Variants in ZNF205 observed in about 807,000 individuals in gnomAD.
ZNF205 encodes zinc finger protein 205.
Under a neutral mutation model 53.6 loss-of-function variants are expected in ZNF205, and 32 were observed. The observed-to-expected ratio is 0.60, with a 90% CI of 0.45 to 0.80. The LOEUF (loss-of-function observed/expected upper bound fraction) is 0.80, where lower values mean the gene tolerates loss of function less well. Ranked by LOEUF, ZNF205 falls within the 30% of genes least tolerant of loss-of-function variation. The pLI is 0.00. For synonymous variants in ZNF205, 382 were observed against 334.3 expected (o/e 1.14, Z -1.56); for missense variants, 836 against 782.4 (o/e 1.07, Z -0.82).
chr16:3,115,296 C>T (rs1370764079), intron 2 of ZNF205, 59 bp from the exon 3 acceptor site: 1 of 1,365,990 alleles, frequency 7.3e-7, no homozygotes, highest in Non-Finnish European at 9.6e-7. Context: ...AGCGCACTGC[C>T]ATGTGGCCCT....
In ZNF205 at chr16:3,119,896, C is replaced by T. The variant is rs1040798213; in HGVS notation, c.1236C>T (p.Gly412=). ...TRRSDLVTHQ[G]THTGAKPHKC... ...GCTCGGACTTGGTCACCCACCAGGG[C>T]ACCCACACGGGCGCCAAGCCGCACA... Residue 412 remains glycine, a synonymous_variant, in exon 7 of 7, where the codon GGC becomes GGT. Coordinates refer to ENST00000219091, the MANE Select transcript of ZNF205 (RefSeq NM_001042428.2). The T allele has an allele frequency of 2.5e-6, 4 of 1,613,602 alleles. No individual in the cohort carries two copies. The South Asian group carries it at 3.3e-5, about 13-fold the overall frequency.
chr16:3,115,866 G>A lies in ZNF205; in HGVS notation c.309G>A (p.Glu103=), dbSNP rs146322683. 20 of 1,613,940 alleles carry A rather than the reference G, an allele frequency of 1.2e-5. No individual in the cohort carries two copies. In the African/African-American group the frequency reaches 2.4e-4, roughly 19 times the overall value. Residue 103 remains glutamate, a synonymous_variant, in exon 4 of 7, where the codon GAG becomes GAA. Transcript: ENST00000219091. ...PSPRIPVLSR[E]GRTRDRQMAA... is the part of the protein sequence containing the mutation. ...CCCGGATCCCCGTGCTTTCCCGAGA[G>A]GGGAGGACCAGAGACCGGCAGATGG...
chr16:3,116,588 A>C, intron 5 of ZNF205, 41 bp downstream of exon 5: 1 of 1,598,062 alleles, frequency 6.3e-7, no homozygotes, highest in Non-Finnish European at 8.5e-7. Flanking sequence ...TGTTAGGGAG[A>C]GGTCCTGCTC....
intron 4 of ZNF205, 99 bp from the exon 5 acceptor site, chr16:3,116,328 G>A: frequency 1.3e-6 from 2 of 1,548,148 alleles, no homozygotes. Context: ...CGACACAGTG[G>A]GTTGGGAGTC....
rs61735886 is a variant in ZNF205 at position 3,120,144 on chromosome 16, A to T, written c.1484A>T (p.Gln495Leu). 2.1e-3 allele frequency: 3,447 copies of T among 1,613,228 alleles called. 2 individuals are homozygous for T. Among genetic ancestry groups the T allele is most frequent in the Admixed American group, 2.9e-3 (174 of 59,994 alleles). The change falls in exon 7 of 7, where the codon CAG becomes CTG. Residue 495 changes from glutamine (Q) to leucine (L), a missense_variant. By Grantham distance (113) the Gln-to-Leu change is moderately radical. Transcript: ENST00000219091. ...CACAGCTCGCACCTCACCGCGCACC[A>T]GCGCACCCACCGTGGCGTGCGGCCC... is the stretch of plus-strand genomic sequence containing the variant. ...FSHSSHLTAH[Q>L]RTHRGVRPYA...
At position 3,119,724 on chromosome 16, in the gene ZNF205, A is replaced by G. The variant is rs749200315; in HGVS notation, c.1064A>G (p.Gln355Arg). 6.2e-7 allele frequency: 1 copy of G among 1,613,606 alleles called. No homozygotes were observed. The highest frequency in any genetic ancestry group is 1.1e-5 in the South Asian group (1 of 91,082). Residue 355 changes from glutamine to arginine, a missense_variant, in exon 7 of 7, where the codon CAG (glutamine) becomes CGG (arginine). Coordinates refer to ENST00000219091, the MANE Select transcript of ZNF205 (RefSeq NM_001042428.2). ...FGRSSHLIQH[Q>R]IIHTGEKPYT... ...CGCAGCTCGCACCTCATCCAGCACC[A>G]GATCATCCACACGGGCGAGAAGCCC... is the stretch of plus-strand genomic sequence containing the variant.
rs1370529451 is a variant in ZNF205 at position 3,120,510 on chromosome 16, G to C, written c.*185G>C. Reference sequence around the variant, plus strand: ...GGCACTCTGCGAATTAAAGGCCTTGGACTTGAAGCGCCCGCCTACACAGCT... The same window carrying C: ...GGCACTCTGCGAATTAAAGGCCTTGCACTTGAAGCGCCCGCCTACACAGCT... On this transcript the variant is annotated 3_prime_UTR_variant, in exon 7 of 7. Transcript: ENST00000219091. 1.4e-6 allele frequency: 1 copy of C among 725,764 alleles called. No homozygotes were observed. Among genetic ancestry groups the C allele is most frequent in the Admixed American group, 3.0e-5 (1 of 32,806 alleles). The allele number at this position is 725,764 out of a possible 1,614,324, so 45.0% of individuals were successfully genotyped here.
rs2151232410 is a variant in ZNF205, at chr16:3,119,619, A to C, written c.959A>C (p.His320Pro). The change falls in exon 7 of 7, where the codon CAC becomes CCC. Residue 320 changes from histidine (H) to proline (P), a missense_variant. His to Pro is a moderately conservative substitution (Grantham distance 77). Transcript: ENST00000219091. Reference sequence around the variant, plus strand: ...CAGTGCGGCAAGGGCTTCAGCTGGCACTCGCACCTGGTGACGCACCGGCGC... The same window carrying C: ...CAGTGCGGCAAGGGCTTCAGCTGGCCCTCGCACCTGGTGACGCACCGGCGC... Reference protein sequence around the residue: ...CEQCGKGFSWHSHLVTHRRTH... With the variant: ...CEQCGKGFSWPSHLVTHRRTH... 1 of 1,611,042 alleles carries C rather than the reference A, an allele frequency of 6.2e-7. No individual in the cohort carries two copies. The highest frequency in any genetic ancestry group is 8.5e-7 in the Non-Finnish European group (1 of 1,179,026).
In ZNF205 at chr16:3,118,635, C is replaced by T. The variant is rs1957375444; in HGVS notation, c.485-270C>T. Among the ~76,000 whole-genome samples the T allele has an allele frequency of 2.0e-5, 3 of 152,246 alleles. No individual in the cohort carries two copies. In the South Asian group the frequency reaches 6.2e-4, roughly 32 times the overall value. On this transcript the variant is annotated intron_variant, in intron 5 of 6. Coordinates refer to ENST00000219091, the MANE Select transcript of ZNF205 (RefSeq NM_001042428.2). ...GTGGGTGTAGGAGCGGGATACCCGT[C>T]CCGTGGGCGTTGATGTAGGGTGTTG...
Position 3,119,341 on chromosome 16 carries a change from A to G in ZNF205, c.681A>G (p.Arg227=). ...NVKPFRTRAG[R]VQWGVPQCAQ... is the part of the protein sequence containing the mutation. Reference sequence around the variant, plus strand: ...AGCCCTTCAGAACCAGGGCAGGGAGAGTCCAGTGGGGCGTCCCGCAGTGCG... The same window carrying G: ...AGCCCTTCAGAACCAGGGCAGGGAGGGTCCAGTGGGGCGTCCCGCAGTGCG... The change falls in exon 7 of 7, where the codon AGA becomes AGG. Residue 227 remains arginine, a synonymous_variant. Transcript: ENST00000219091. 2 of 1,612,768 alleles carry G rather than the reference A, an allele frequency of 1.2e-6. No individual in the cohort carries two copies. The highest frequency in any genetic ancestry group is 1.1e-5 in the South Asian group (1 of 91,054).
In ZNF205 at chr16:3,113,799, C is replaced by T. The variant is rs556356373; in HGVS notation, c.57+312C>T. On this transcript the variant is annotated intron_variant, in intron 2 of 6. Transcript: ENST00000219091. ...ACCTGTTCTCCTTCCCCGTGCTTCT[C>T]CACCTGGAACCACAGCTTCTCATCT... Among the ~76,000 whole-genome samples, 4 of 152,298 alleles carry T rather than the reference C, an allele frequency of 2.6e-5. No homozygotes were observed. In the South Asian group the frequency reaches 8.3e-4, roughly 32 times the overall value.
In ZNF205 at chr16:3,118,974, G is replaced by C. The variant is rs763302642; in HGVS notation, c.554G>C (p.Arg185Pro). 1.9e-6 allele frequency: 3 copies of C among 1,613,546 alleles called. No individual in the cohort carries two copies. The highest frequency in any genetic ancestry group is 1.7e-5 in the Admixed American group (1 of 59,996). ...HGKGEASGSS[R>P]QAGDEKEWRG... The stretch of plus-strand genomic sequence containing the variant: ...AAGGGTGAGGCCTCGGGCTCCAGCC[G>C]GCAGGCAGGAGATGAGAAGGAGTGG... Residue 185 changes from arginine (R) to proline (P), a missense_variant, in exon 6 of 7, where the codon CGG (arginine) becomes CCG (proline). Arg to Pro is a moderately radical substitution (Grantham distance 103). Transcript: ENST00000219091.
At chr16:3,115,964 C>A in intron 4 of ZNF205, 44 bp downstream of exon 4, 1 of 1,574,818 alleles carries the variant, frequency 6.3e-7, no homozygotes, top group Non-Finnish European at 8.7e-7. Context: ...TCAGCCCTTC[C>A]TGCATCTGCT....
At chr16:3,118,807 C>T in intron 5 of ZNF205, 98 bp from the exon 6 acceptor site, 2 of 1,302,756 alleles carry the variant, frequency 1.5e-6, no homozygotes, top group Non-Finnish European at 2.1e-6. Context: ...TTTCCAGAGC[C>T]TCACCCCCTA....
intron 4 of ZNF205, 88 bp downstream of exon 4, chr16:3,116,008 C>T (rs984145563): frequency 5.2e-6 from 7 of 1,358,268 alleles, no homozygotes; most frequent in Non-Finnish European, 7.2e-6. Context: ...CCGCTGGCCC[C>T]ACTTGCAGCC....
Position 3,120,066 on chromosome 16 carries a change from C to T in ZNF205, c.1406C>T (p.Thr469Ile). Residue 469 changes from threonine to isoleucine, a missense_variant, in exon 7 of 7, where the codon ACA becomes ATA. Transcript: ENST00000219091. ...TCCAACCTCATCGCGCACAACCGCACACACACAGGCGAGAAGCCCTACCAC... is the reference window on the plus strand; with the variant it reads ...TCCAACCTCATCGCGCACAACCGCATACACACAGGCGAGAAGCCCTACCAC... The part of the protein sequence containing the change: ...QRSNLIAHNR[T>I]HTGEKPYHCL... The T allele has an allele frequency of 6.2e-7, 1 of 1,612,846 alleles. No homozygotes were observed. Among genetic ancestry groups the T allele is most frequent in the Non-Finnish European group, 8.5e-7 (1 of 1,179,620 alleles).
Position 3,118,849 on chromosome 16 carries a change from C to A in ZNF205, c.485-56C>A. The A allele has an allele frequency of 1.9e-6, 3 of 1,569,180 alleles. No individual in the cohort carries two copies. In the South Asian group the frequency reaches 3.5e-5, roughly 18 times the overall value. On this transcript the variant is annotated intron_variant, in intron 5 of 6. Transcript: ENST00000219091. ...CCCATCAGTTTTGGGGAGATGCTGT[C>A]TGCAGCTGGGCAGCGCCAGAAGGCC... is the stretch of plus-strand genomic sequence containing the variant.
In ZNF205 at chr16:3,113,464, C is replaced by T. The variant is rs1340642313; in HGVS notation, c.34C>T (p.Gln12Ter). 6.2e-7 allele frequency: 1 copy of T among 1,613,406 alleles called. No homozygotes were observed. Among genetic ancestry groups the T allele is most frequent in the Non-Finnish European group, 8.5e-7 (1 of 1,179,790 alleles). Residue 12 changes from glutamine to a stop codon, truncating the protein, a stop_gained, in exon 2 of 7, where the codon CAG (glutamine) becomes TAG (stop). Transcript: ENST00000219091. LOFTEE classifies it high-confidence loss of function. ...AGACGGCGGAGGCATCCAGGACACCCAGGACAAGGAGACACCCCCGGAGGT... is the reference window on the plus strand; with the variant it reads ...AGACGGCGGAGGCATCCAGGACACCTAGGACAAGGAGACACCCCCGGAGGT... ...SADGGGIQDT[Q>*]DKETPPEVPD...
At chr16:3,114,058 G>T (rs974549024) in intron 2 of ZNF205, among the ~76,000 whole-genome samples, 2 of 152,080 alleles carry the variant, frequency 1.3e-5, no homozygotes. Context: ...CACCTGTCTC[G>T]CAGGGTCACT....
Sources: gnomAD v4.1 joint callset for allele counts (sites outside exome capture counted in the v4.1 genomes callset) on GRCh38, gnomAD v4.1.1 for gene constraint, MANE v1.5 for transcripts, NCBI Gene and HGNC (gene_info 2026-07-23, HGNC 2026-07-21) for gene names.